RIC3: variants seen among roughly 807,000 people sequenced by gnomAD.
The protein encoded by RIC3 is protein RIC-3.
A neutral mutation model predicts 27.3 loss-of-function variants in RIC3; 28 were observed. The ratio of observed to expected loss-of-function variants is 1.02; its 90% CI spans 0.76 to 1.41. The LOEUF (loss-of-function observed/expected upper bound fraction) is 1.41. Ranked by LOEUF, RIC3 falls within the 40% of genes most tolerant of loss-of-function variation. The pLI is 0.00. For synonymous variants in RIC3, 184 were observed against 160.4 expected, an observed-to-expected ratio of 1.15 and a Z score of -1.11; for missense variants, 501 against 444.7, an observed-to-expected ratio of 1.13 and a Z score of -1.14.
rs182021267 is a variant in RIC3 at position 8,131,660 on chromosome 11, G to A, written c.522-4853C>T. On this transcript the variant is annotated intron_variant, in intron 4 of 5. Coordinates refer to ENST00000309737, the MANE Select transcript of RIC3 (RefSeq NM_001206671.4). ...TCACGACTGTAATCCCAGCACTTTG[G>A]GAGGCCAAGGTGGGCAGATCACCTG... Among the ~76,000 whole-genome samples, 982 of 152,116 alleles carry A rather than the reference G, an allele frequency of 6.5e-3. 22 individuals carry two copies. The highest frequency in any genetic ancestry group is 0.051 in the Admixed American group (781 of 15,274).
rs139182341 is a variant in RIC3, at chr11:8,122,457, A to G, written c.670+4202T>C. On this transcript the variant is annotated intron_variant, in intron 5 of 5. Transcript: ENST00000309737. ...TTGCTAAGTGTATACCACAGTGTGT[A>G]TATATATATGTACCACAGTTTATTC... Among the ~76,000 whole-genome samples the G allele has an allele frequency of 1.1e-4, 17 of 152,148 alleles. No homozygotes were observed. The East Asian group carries it at 2.7e-3, about 24-fold the overall frequency.
At chr11:8,098,966 A>C in the RIC3 span, 2 of 954,984 alleles carry the variant, frequency 2.1e-6, no homozygotes, top group Non-Finnish European at 3.4e-6. Context: ...CATCCATCTT[A>C]GTGGGTAGAC....
downstream of RIC3, among the ~76,000 whole-genome samples, chr11:8,101,261 G>T (rs1483168485): frequency 1.3e-5 from 2 of 152,152 alleles, no homozygotes; most frequent in South Asian, 4.1e-4. Context: ...CCTCTTTTCT[G>T]TCCCCTGGTG....
At chr11:8,101,102 T>C (rs1944279335), downstream of RIC3, 1 of 1,360,848 alleles carries the variant, frequency 7.3e-7, no homozygotes. Flanking sequence ...AGTTTAAGAA[T>C]GTGAGCTATA....
chr11:8,104,469 G>A (rs990806433), downstream of RIC3: 2 of 152,188 alleles, frequency 1.3e-5, no homozygotes, highest in African/African-American at 4.8e-5. Context: ...TGGGGAAAAG[G>A]GCAATCAGCA....
chr11:8,162,875 G>A (rs990601803), intron 1 of RIC3, among the ~76,000 whole-genome samples: 1 of 151,894 alleles, frequency 6.6e-6, no homozygotes, highest in East Asian at 1.9e-4. Flanking sequence ...CGAACTCCTG[G>A]CCTCAAGCAA....
At chr11:8,151,856 C>G (rs375811267) in intron 1 of RIC3, among the ~76,000 whole-genome samples, 3 of 148,764 alleles carry the variant, frequency 2.0e-5, no homozygotes, top group African/African-American at 5.0e-5. Flanking sequence ...ACAAAGGTTG[C>G]GATGAGCAGA....
At chr11:8,094,130 C>T in the RIC3 span, 3 of 1,614,122 alleles carry the variant, frequency 1.9e-6, no homozygotes, top group South Asian at 1.1e-5. Context: ...ACCAAGGCGG[C>T]AGCTACAGCA....
At chr11:8,101,826 G>A (rs532449575), downstream of RIC3, 4 of 746,974 alleles carry the variant, frequency 5.4e-6, no homozygotes, top group African/African-American at 3.5e-5. Context: ...GGGTGGGTGG[G>A]TGTGAAGGGA....
chr11:8,102,714 A>C (rs1405863373), downstream of RIC3: 1 of 152,226 alleles, frequency 6.6e-6, no homozygotes, highest in South Asian at 2.1e-4. Context: ...AAAGCAGGGA[A>C]TATTTTAGAA....
chr11:8,133,385 A>G (rs946172651), intron 4 of RIC3, among the ~76,000 whole-genome samples: 5 of 152,362 alleles, frequency 3.3e-5, no homozygotes, highest in East Asian at 3.9e-4. Context: ...TCTTTAGGGC[A>G]TAAGTCCCAT....
At chr11:8,132,966 G>A (rs1343928596) in intron 4 of RIC3, among the ~76,000 whole-genome samples, 2 of 152,134 alleles carry the variant, frequency 1.3e-5, no homozygotes, top group African/African-American at 4.8e-5. Context: ...ATGGTGCTAT[G>A]GTTTGAATAT....
In RIC3 at chr11:8,138,256, G is replaced by A. The variant is rs780792622; in HGVS notation, c.427+16C>T. ...ACTCAATAATACCTGTGAATATACT[G>A]AGAAGGGGCACTTACTAATTTTCCT... On this transcript the variant is annotated intron_variant, in intron 3 of 5. Coordinates refer to ENST00000309737, the MANE Select transcript of RIC3 (RefSeq NM_001206671.4). 1.9e-6 allele frequency: 3 copies of A among 1,576,498 alleles called. No homozygotes were observed. The South Asian group carries it at 3.3e-5, about 17-fold the overall frequency.
chr11:8,100,445 C>T, the RIC3 span: 2 of 1,385,510 alleles, frequency 1.4e-6, no homozygotes, highest in South Asian at 1.2e-5. Flanking sequence ...GTCCCCCCCA[C>T]CTTCTCCAGT....
At chr11:8,130,521 CAG>C (rs1947562828) in intron 4 of RIC3, among the ~76,000 whole-genome samples, 1 of 152,158 alleles carries the variant, frequency 6.6e-6, no homozygotes, top group Non-Finnish European at 1.5e-5. Flanking sequence ...TTTTGCTAGC[CAG>C]AGTTGGCTGT....
At chr11:8,130,622 C>A (rs1181626028) in intron 4 of RIC3, among the ~76,000 whole-genome samples, 1 of 152,100 alleles carries the variant, frequency 6.6e-6, no homozygotes, top group Non-Finnish European at 1.5e-5. Flanking sequence ...CTCTCACTGG[C>A]CTATTACCAT....
intron 5 of RIC3, among the ~76,000 whole-genome samples, chr11:8,119,458 T>C (rs1946218089): frequency 6.6e-6 from 1 of 152,178 alleles, no homozygotes; most frequent in South Asian, 2.1e-4. Flanking sequence ...CATTCCCTAT[T>C]TAATAAATGG....
intron 1 of RIC3, among the ~76,000 whole-genome samples, chr11:8,146,093 A>C (rs1202895667): frequency 2.6e-5 from 4 of 152,262 alleles, no homozygotes; most frequent in African/African-American, 9.6e-5. Flanking sequence ...TTATAGACCT[A>C]TGTAAGAATG....
At chr11:8,097,948 C>A in the RIC3 span, 176 of 734,210 alleles carry the variant, frequency 2.4e-4, no homozygotes, top group Non-Finnish European at 2.9e-4. Flanking sequence ...CTCCCAGGAT[C>A]CTCTCTGATA....
Sources: gnomAD v4.1 joint callset for allele counts (sites outside exome capture counted in the v4.1 genomes callset) on GRCh38, gnomAD v4.1.1 for gene constraint, MANE v1.5 for transcripts, NCBI Gene and HGNC (gene_info 2026-07-23, HGNC 2026-07-21) for gene names.